The following ZNF398 variants were observed in gnomAD, a reference collection of about 807,000 sequenced individuals.
The protein encoded by ZNF398 is zinc finger protein 398, also known as zinc finger DNA binding protein ZER6.
Under a neutral mutation model 41.9 loss-of-function variants are expected in ZNF398, and 18 were observed. The ratio of observed to expected loss-of-function variants is 0.43; its 90% confidence interval spans 0.30 to 0.64. The LOEUF is 0.64. Ranked by LOEUF, ZNF398 falls within the 30% of genes least tolerant of loss-of-function variation. The pLI is 0.14. For missense variants in ZNF398, 669 were observed against 822.8 expected (o/e 0.81, Z 2.29); for synonymous variants, 260 against 308.8 (o/e 0.84, Z 1.66).
chr7:149,179,925 G>T lies in ZNF398; in HGVS notation c.*124G>T. On this transcript the variant is annotated 3_prime_UTR_variant, in exon 6 of 6. Coordinates refer to ENST00000475153, the MANE Select transcript of ZNF398 (RefSeq NM_170686.3). This position sits in a 1 kb window ranked among gnomAD's most constrained non-coding sequence, Gnocchi z 6.1. ...TATCTGGCACATCAATGAATTTGGG[G>T]TCCTATACACTTGACTAGAGACATG... is the stretch of plus-strand genomic sequence containing the variant. 1.1e-6 allele frequency: 1 copy of T among 903,812 alleles called. No homozygotes were observed. The highest frequency in any genetic ancestry group is 2.0e-5 in the South Asian group (1 of 49,564). The allele number at this position is 903,812 out of a possible 1,614,324, so 56.0% of individuals were successfully genotyped here.
At chr7:149,162,116 G>A (rs912999038) in intron 2 of ZNF398, among the ~76,000 whole-genome samples, 1 of 151,972 alleles carries the variant, frequency 6.6e-6, no homozygotes, top group African/African-American at 2.4e-5. Flanking sequence ...GCAGCCTTAA[G>A]GCTCAAGTGA....
chr7:149,158,337 A>G (rs1273982097), intron 2 of ZNF398, among the ~76,000 whole-genome samples: 1 of 152,144 alleles, frequency 6.6e-6, no homozygotes, highest in Non-Finnish European at 1.5e-5. Context: ...AGAAGACTGA[A>G]TGGAGCAGAT....
At chr7:149,152,884 C>A (rs1267108400) in intron 1 of ZNF398, among the ~76,000 whole-genome samples, 1 of 144,118 alleles carries the variant, frequency 6.9e-6, no homozygotes, top group African/African-American at 2.6e-5. Context: ...TTTTGAGACA[C>A]AGTCTCCCTC....
chr7:149,179,492 T>C lies in ZNF398; in HGVS notation c.1620T>C (p.Ser540=). The C allele has an allele frequency of 6.2e-7, 1 of 1,614,078 alleles. No individual in the cohort carries two copies. The highest frequency in any genetic ancestry group is 8.5e-7 in the Non-Finnish European group (1 of 1,180,010). ...RRLHTGERPF[S]CPHCGKSFIR... ...TGCACACAGGCGAGCGGCCCTTCAG[T>C]TGTCCTCACTGTGGCAAGAGCTTCA... Residue 540 remains serine, a synonymous_variant, in exon 6 of 6, where the codon AGT becomes AGC. Coordinates refer to ENST00000475153, the MANE Select transcript of ZNF398 (RefSeq NM_170686.3). The surrounding 1 kb of genome is among the most constrained non-coding windows in gnomAD (Gnocchi z 6.1).
chr7:149,126,604 A>G (rs905617471), exon 1 of ZNF398: 24 of 297,496 alleles, frequency 8.1e-5, no homozygotes, highest in Non-Finnish European at 1.4e-4. Context: ...GAGTAGGGAC[A>G]GCGACTGGGA....
At chr7:149,149,287 G>A (rs1827050827) in intron 1 of ZNF398, among the ~76,000 whole-genome samples, 1 of 152,052 alleles carries the variant, frequency 6.6e-6, no homozygotes, top group South Asian at 2.1e-4. Context: ...AGGCTGGAGT[G>A]CAGTGGCGCC....
intron 5 of ZNF398, among the ~76,000 whole-genome samples, chr7:149,177,989 A>T: frequency 6.6e-6 from 1 of 152,068 alleles, no homozygotes; most frequent in South Asian, 2.1e-4. Flanking sequence ...TCTACTAAAA[A>T]TATAAAAATT....
At chr7:149,169,440 T>G (rs1389553645) in intron 4 of ZNF398, among the ~76,000 whole-genome samples, 1 of 152,124 alleles carries the variant, frequency 6.6e-6, no homozygotes, top group Non-Finnish European at 1.5e-5. Context: ...TTCGTTTGTT[T>G]GTTTGTTTTT....
rs962797672 is a variant in ZNF398 at position 149,147,475 on chromosome 7, C to T, written c.-268C>T. The T allele has an allele frequency of 1.1e-5, 3 of 279,102 alleles. No individual in the cohort carries two copies. The highest frequency in any genetic ancestry group is 2.0e-5 in the Non-Finnish European group (3 of 151,728). 17.3% of individuals were successfully genotyped at this position (279,102 alleles called of 1,614,324 possible). A position where few individuals can be genotyped will look rare whatever the true frequency, so the allele number is the denominator to read the frequency against. On this transcript the variant is annotated 5_prime_UTR_variant, in exon 1 of 6. Transcript: ENST00000475153. This position sits in a 1 kb window ranked among gnomAD's most constrained non-coding sequence, Gnocchi z 5.6. ...GGTGCACTCGCTGCCCACAAAGCGC[C>T]AGCTGAGGGGCCGCTGCGGGTGGAG...
At chr7:149,137,763 T>A (rs1826743847) in intron 2 of ZNF398, among the ~76,000 whole-genome samples, 1 of 151,556 alleles carries the variant, frequency 6.6e-6, no homozygotes. Context: ...ATGTGAATAT[T>A]TGTTTTGTCA....
intron 1 of ZNF398, among the ~76,000 whole-genome samples, chr7:149,127,646 G>C (rs945632581): frequency 6.6e-6 from 1 of 151,658 alleles, no homozygotes; most frequent in East Asian, 1.9e-4. Context: ...GAACCCGGGA[G>C]GCGGAGCTTG....
intron 1 of ZNF398, among the ~76,000 whole-genome samples, chr7:149,152,283 C>T (rs1167728836): frequency 5.1e-5 from 6 of 117,808 alleles, no homozygotes; most frequent in East Asian, 2.7e-4. Flanking sequence ...TTTTTTGAGA[C>T]GGAGTTTCAC....
At chr7:149,130,906 A>G (rs1826581976) in intron 2 of ZNF398, among the ~76,000 whole-genome samples, 1 of 152,212 alleles carries the variant, frequency 6.6e-6, no homozygotes, top group Non-Finnish European at 1.5e-5. Context: ...GTGGAAAAAC[A>G]TGAATTGGTT....
intron 2 of ZNF398, among the ~76,000 whole-genome samples, chr7:149,157,823 T>C (rs13241620): frequency 0.62 from 77,236 of 124,860 alleles, 23,991 homozygotes; most frequent in East Asian, 0.9. Flanking sequence ...GGCGACAGAG[T>C]AAGACTCTGT....
chr7:149,169,988 T>C lies in ZNF398; in HGVS notation c.661+3058T>C, dbSNP rs148773053. Among the ~76,000 whole-genome samples, 348 of 152,200 alleles carry C rather than the reference T, an allele frequency of 2.3e-3. 1 individual carries two copies. Among genetic ancestry groups the C allele is most frequent in the African/African-American group, 8.2e-3 (341 of 41,538 alleles). On this transcript the variant is annotated intron_variant, in intron 4 of 5. Coordinates refer to ENST00000475153, the MANE Select transcript of ZNF398 (RefSeq NM_170686.3). ...AGAGTCCTCTCCCAGTGGAGTCTTA[T>C]AGGATATGCTTAATTGTTCCAGTAA...
intron 1 of ZNF398, among the ~76,000 whole-genome samples, chr7:149,149,682 A>AAAT (rs1827062765): frequency 6.7e-6 from 1 of 150,202 alleles, no homozygotes; most frequent in Admixed American, 6.7e-5. Flanking sequence ...TACAAAAAAA[A>AAAT]TTTTTTTTTT....
Position 149,166,143 on chromosome 7 carries a change from T to G in ZNF398, c.421-15T>G. On this transcript the variant is annotated splice_polypyrimidine_tract_variant and intron_variant, in intron 2 of 5. Coordinates refer to ENST00000475153, the MANE Select transcript of ZNF398 (RefSeq NM_170686.3). ...TTATAATGGAAGGGACTAACCCATG[T>G]GATTGTAATTTTAGGTGCCTGTGGC... is the stretch of plus-strand genomic sequence containing the variant. The G allele has an allele frequency of 6.2e-7, 1 of 1,612,572 alleles. No individual in the cohort carries two copies.
intron 2 of ZNF398, among the ~76,000 whole-genome samples, chr7:149,140,544 C>T (rs149243823): frequency 9.9e-5 from 15 of 152,094 alleles, no homozygotes; most frequent in Admixed American, 2.6e-4. Context: ...CCACTATGCC[C>T]GGCTAACTTT....
chr7:149,150,117 T>G (rs1827074955), intron 1 of ZNF398, among the ~76,000 whole-genome samples: 1 of 152,142 alleles, frequency 6.6e-6, no homozygotes, highest in African/African-American at 2.4e-5. Flanking sequence ...CCTTAGGAAG[T>G]AAAGAAGAAA....
Sources: gnomAD v4.1 joint callset for allele counts (sites outside exome capture counted in the v4.1 genomes callset) on GRCh38, gnomAD v4.1.1 for gene constraint, Gnocchi (gnomAD v3.1) non-coding constraint, MANE v1.5 for transcripts, NCBI Gene and HGNC (gene_info 2026-07-23, HGNC 2026-07-21) for gene names.